KDM2B: variants seen among roughly 807,000 people sequenced by gnomAD.
KDM2B encodes lysine demethylase 2B.
KDM2B carries 26 observed loss-of-function variants against 150.0 expected under a neutral mutation model. The ratio of observed to expected loss-of-function variants is 0.17; its 90% CI spans 0.13 to 0.24. The LOEUF is 0.24. Ranked by LOEUF, KDM2B falls within the 10% of genes least tolerant of loss-of-function variation. The pLI is 1.00. For missense variants in KDM2B, 1,265 were observed against 1,816.9 expected, an observed-to-expected ratio of 0.70 and a Z score of 5.52; for synonymous variants, 734 against 729.5, an observed-to-expected ratio of 1.01 and a Z score of -0.10.
At chr12:121,498,886 C>A (rs1593957367) in intron 11 of KDM2B, among the ~76,000 whole-genome samples, 2 of 152,180 alleles carry the variant, frequency 1.3e-5, no homozygotes, top group East Asian at 3.9e-4. Context: ...GATCACAGCT[C>A]ACCACAGCCT....
the KDM2B span, chr12:121,418,565 G>A: frequency 4.6e-5 from 7 of 152,530 alleles, no homozygotes; most frequent in African/African-American, 9.6e-5. Context: ...GTTATTAAAA[G>A]TAGAGGAAAG....
At chr12:121,461,274 A>C (rs1049962000) in intron 12 of KDM2B, among the ~76,000 whole-genome samples, 2 of 152,206 alleles carry the variant, frequency 1.3e-5, no homozygotes, top group African/African-American at 4.8e-5. Context: ...AAATAGCTCG[A>C]CACAGCTGCT....
chr12:121,571,900 G>T (rs1460763416), intron 4 of KDM2B, among the ~76,000 whole-genome samples: 2 of 150,746 alleles, frequency 1.3e-5, no homozygotes, highest in African/African-American at 2.4e-5. Flanking sequence ...ATTCGCCCGC[G>T]TCGGCCTCCC....
chr12:121,419,534 G>A, the KDM2B span, among the ~76,000 whole-genome samples: 1 of 151,454 alleles, frequency 6.6e-6, no homozygotes, highest in African/African-American at 2.4e-5. Flanking sequence ...CACCATTTGG[G>A]TGATGTGGAT....
chr12:121,560,031 G>A (rs573480535), intron 4 of KDM2B, among the ~76,000 whole-genome samples: 4 of 152,096 alleles, frequency 2.6e-5, no homozygotes, highest in East Asian at 1.9e-4. Context: ...TTTAGGAGAC[G>A]TCTCGCTCTA....
chr12:121,452,387 G>C lies in KDM2B; in HGVS notation c.1959+733C>G, dbSNP rs189106702. The stretch of plus-strand genomic sequence containing the variant: ...GGGCATCGACAGCCAAGGAGGAAGG[G>C]CTCACCCTATGCCAGGCTGGGCCTG... On this transcript the variant is annotated intron_variant, in intron 13 of 22. Coordinates refer to ENST00000377071, the MANE Select transcript of KDM2B (RefSeq NM_032590.5). This position sits in a 1 kb window ranked among gnomAD's most constrained non-coding sequence, Gnocchi z 4.4. 6.6e-6 allele frequency among the ~76,000 whole-genome samples: 1 copy of C among 152,346 alleles called. No individual in the cohort carries two copies. The highest frequency in any genetic ancestry group is 1.5e-5 in the Non-Finnish European group (1 of 68,020).
rs889066110 is a variant in KDM2B, at chr12:121,518,083, G to A, written c.1047+2902C>T. Among the ~76,000 whole-genome samples the A allele has an allele frequency of 6.6e-6, 1 of 151,074 alleles. No individual in the cohort carries two copies. The highest frequency in any genetic ancestry group is 2.4e-5 in the African/African-American group (1 of 41,024). On this transcript the variant is annotated intron_variant, in intron 9 of 22. Transcript: ENST00000377071. The surrounding 1 kb of genome is among the most constrained non-coding windows in gnomAD (Gnocchi z 4.4). The stretch of plus-strand genomic sequence containing the variant: ...AATTTTTGTATTTTTAGTAGAGACA[G>A]GGTTTCACCATGTTGGTCAGGCTGG...
intron 12 of KDM2B, among the ~76,000 whole-genome samples, chr12:121,457,908 C>G (rs1405147034): frequency 1.3e-5 from 2 of 152,132 alleles, no homozygotes; most frequent in East Asian, 3.8e-4. Flanking sequence ...ATATTATCCA[C>G]CAGAAAATGC....
In KDM2B at chr12:121,440,180, A is replaced by C. The variant is rs1253400530; in HGVS notation, c.3611-105T>G. 1.8e-5 allele frequency: 14 copies of C among 770,438 alleles called. No homozygotes were observed. In the African/African-American group the frequency reaches 2.1e-4, roughly 11 times the overall value. 47.7% of individuals were successfully genotyped at this position (770,438 alleles called of 1,614,324 possible). A position where few individuals can be genotyped will look rare whatever the true frequency, so the allele number is the denominator to read the frequency against. ...CCCACCAGCCAGACAGAACACTCAG[A>C]TTTCATTTAGTTATAAACTGCTTCC... On this transcript the variant is annotated intron_variant, in intron 21 of 22. Coordinates refer to ENST00000377071, the MANE Select transcript of KDM2B (RefSeq NM_032590.5).
At position 121,517,823 on chromosome 12, in the gene KDM2B, C is replaced by A. The variant is rs148167178; in HGVS notation, c.1047+3162G>T. Among the ~76,000 whole-genome samples, 830 of 152,078 alleles carry A rather than the reference C, an allele frequency of 5.5e-3. 5 individuals carry two copies. The highest frequency in any genetic ancestry group is 9.7e-3 in the Non-Finnish European group (659 of 67,992). ...CCACACCATGGAGCTTGGAGACTGA[C>A]CGATGGTTCCCTCTGTCCCACCTCC... On this transcript the variant is annotated intron_variant, in intron 9 of 22. Transcript: ENST00000377071.
chr12:121,536,998 C>G (rs1170598602), intron 6 of KDM2B, among the ~76,000 whole-genome samples: 1 of 152,208 alleles, frequency 6.6e-6, no homozygotes, highest in East Asian at 1.9e-4. Flanking sequence ...CAAGTTGAGT[C>G]TGTGTCTGAT....
chr12:121,546,672 G>C (rs531441307), intron 6 of KDM2B, among the ~76,000 whole-genome samples: 1 of 150,028 alleles, frequency 6.7e-6, no homozygotes, highest in African/African-American at 2.5e-5. Context: ...CAAAGTGCTG[G>C]GATTACAGGT....
At chr12:121,417,897 G>A in the KDM2B span, 3 of 1,613,878 alleles carry the variant, frequency 1.9e-6, no homozygotes, top group South Asian at 3.3e-5. This position sits in a 1 kb window ranked among gnomAD's most constrained non-coding sequence, Gnocchi z 5.0. Context: ...ATCCAGATCT[G>A]GAGTGCCGGC....
At chr12:121,416,790 T>G in the KDM2B span, among the ~76,000 whole-genome samples, 1 of 152,238 alleles carries the variant, frequency 6.6e-6, no homozygotes, top group East Asian at 1.9e-4. Context: ...CTTTAGAGAT[T>G]CAACATCAAA....
chr12:121,512,287 C>G (rs1456950217), intron 10 of KDM2B, among the ~76,000 whole-genome samples: 3 of 152,086 alleles, frequency 2.0e-5, no homozygotes, highest in Non-Finnish European at 4.4e-5. Flanking sequence ...AGGCTCGCGA[C>G]AGACCTCACA....
At chr12:121,465,219 G>T (rs1373536901) in intron 12 of KDM2B, among the ~76,000 whole-genome samples, 1 of 151,610 alleles carries the variant, frequency 6.6e-6, no homozygotes, top group Non-Finnish European at 1.5e-5. Context: ...AGGTTTGTTT[G>T]TTTTTGTTTT....
intron 6 of KDM2B, among the ~76,000 whole-genome samples, chr12:121,538,560 G>A (rs1371971401): frequency 1.3e-5 from 2 of 152,162 alleles, no homozygotes; most frequent in Non-Finnish European, 2.9e-5. Flanking sequence ...TGGTGGCTTA[G>A]TGACTGTGTA....
At position 121,520,678 on chromosome 12, in the gene KDM2B, G is replaced by A. The variant is rs939487497; in HGVS notation, c.1047+307C>T. Among the ~76,000 whole-genome samples the A allele has an allele frequency of 6.6e-6, 1 of 152,160 alleles. No individual in the cohort carries two copies. Among genetic ancestry groups the A allele is most frequent in the Admixed American group, 6.5e-5 (1 of 15,278 alleles). Reference sequence around the variant, plus strand: ...CCTCACACCACTTTCTCCACGTGAGGAGGAAGAGGCAGGTCCCTGAAATCT... The same window carrying A: ...CCTCACACCACTTTCTCCACGTGAGAAGGAAGAGGCAGGTCCCTGAAATCT... On this transcript the variant is annotated intron_variant, in intron 9 of 22. Coordinates refer to ENST00000377071, the MANE Select transcript of KDM2B (RefSeq NM_032590.5). The surrounding 1 kb of genome is among the most constrained non-coding windows in gnomAD (Gnocchi z 4.5).
the KDM2B span, among the ~76,000 whole-genome samples, chr12:121,423,187 G>A: frequency 6.6e-6 from 1 of 152,222 alleles, no homozygotes; most frequent in Admixed American, 6.5e-5. The surrounding 1 kb of genome is among the most constrained non-coding windows in gnomAD (Gnocchi z 4.3). Flanking sequence ...AAAACCCTGA[G>A]GTATAGCTTT....
Sources: allele counts gnomAD v4.1 joint callset (sites outside exome capture counted in the v4.1 genomes callset), GRCh38; gene constraint gnomAD v4.1.1; non-coding constraint Gnocchi (gnomAD v3.1); transcripts MANE v1.5; gene names NCBI Gene and HGNC (gene_info 2026-07-23, HGNC 2026-07-21).